The following SUFU variants were observed in gnomAD, a reference collection of about 807,000 sequenced individuals.
The protein encoded by SUFU is SUFU negative regulator of hedgehog signaling.
SUFU carries 7 observed loss-of-function variants against 58.9 expected under a neutral mutation model. The observed-to-expected ratio is 0.12, with a 90% CI of 0.07 to 0.22. SUFU has a LOEUF of 0.22. SUFU is among the 10% of genes least tolerant of loss of function. The pLI is 1.00. For synonymous variants in SUFU, 232 were observed against 254.8 expected, an observed-to-expected ratio of 0.91 and a Z score of 0.85; for missense variants, 451 against 641.3, an observed-to-expected ratio of 0.70 and a Z score of 3.20.
chr10:102,583,759 G>T (rs1353889006), intron 3 of SUFU, among the ~76,000 whole-genome samples: 1 of 151,866 alleles, frequency 6.6e-6, no homozygotes, highest in Non-Finnish European at 1.5e-5. Context: ...ACAACGTGCA[G>T]GTTTGTTGCA....
intron 3 of SUFU, among the ~76,000 whole-genome samples, chr10:102,556,133 G>A (rs1274190325): frequency 2.6e-5 from 4 of 152,276 alleles, no homozygotes; most frequent in Middle Eastern, 6.8e-3. Flanking sequence ...AGTGGGAGGC[G>A]AATGAAAGGG....
chr10:102,561,761 C>T (rs79677719), intron 3 of SUFU, among the ~76,000 whole-genome samples: 12 of 151,144 alleles, frequency 7.9e-5, no homozygotes, highest in East Asian at 1.9e-4. Context: ...TTTGACCTCC[C>T]GAGCTCAGTT....
chr10:102,508,550 A>G (rs1449395068), intron 1 of SUFU, among the ~76,000 whole-genome samples: 13 of 152,146 alleles, frequency 8.5e-5, no homozygotes. Context: ...AGTTAAGCCT[A>G]AGTTTGGCCT....
At chr10:102,568,941 T>TAC (rs1379151827) in intron 3 of SUFU, among the ~76,000 whole-genome samples, 3 of 68,432 alleles carry the variant, frequency 4.4e-5, no homozygotes, top group African/African-American at 1.5e-4. Flanking sequence ...TATATATATA[T>TAC]ATATATATAT....
chr10:102,588,135 G>A (rs934555358), intron 3 of SUFU, among the ~76,000 whole-genome samples: 8 of 152,208 alleles, frequency 5.3e-5, no homozygotes, highest in Non-Finnish European at 7.4e-5. Flanking sequence ...AGTGGCTCAC[G>A]CCTGTAATCC....
intron 3 of SUFU, among the ~76,000 whole-genome samples, chr10:102,551,917 G>A (rs2062922189): frequency 6.6e-6 from 1 of 151,284 alleles, no homozygotes; most frequent in African/African-American, 2.4e-5. Context: ...AGTAGAGACG[G>A]GGTTTCACCT....
At chr10:102,556,297 G>C (rs2062976453) in intron 3 of SUFU, among the ~76,000 whole-genome samples, 1 of 152,198 alleles carries the variant, frequency 6.6e-6, no homozygotes, top group South Asian at 2.1e-4. Flanking sequence ...CTACCCTCTG[G>C]GAGGTTTGCG....
chr10:102,613,722 G>T (rs1367977083), intron 8 of SUFU, among the ~76,000 whole-genome samples: 2 of 152,286 alleles, frequency 1.3e-5, no homozygotes, highest in Non-Finnish European at 2.9e-5. Context: ...AATGGGATCA[G>T]TGGGTAACTC....
intron 2 of SUFU, among the ~76,000 whole-genome samples, chr10:102,515,052 A>G (rs1252221671): frequency 6.6e-6 from 1 of 152,154 alleles, no homozygotes; most frequent in African/African-American, 2.4e-5. Flanking sequence ...CTTGGCGCAC[A>G]TGTCCAGTGG....
intron 8 of SUFU, among the ~76,000 whole-genome samples, chr10:102,609,083 T>C (rs2063593823): frequency 6.6e-6 from 1 of 152,168 alleles, no homozygotes; most frequent in Admixed American, 6.5e-5. Context: ...TGTAGAAATA[T>C]TATAGTTACT....
chr10:102,619,418 G>T lies in SUFU; in HGVS notation c.1296+1990G>T. 1 of 1,349,870 alleles carries T rather than the reference G, an allele frequency of 7.4e-7. No individual in the cohort carries two copies. The highest frequency in any genetic ancestry group is 1.7e-5 in the South Asian group (1 of 59,576). The allele number at this position is 1,349,870 out of a possible 1,614,324, so 83.6% of individuals were successfully genotyped here. ...CGGGGCGCGGTGGGAACGAGCTGCT[G>T]GCCTCGGCATGTTTCAATAAAGTTG... On this transcript the variant is annotated intron_variant, in intron 10 of 11. Transcript: ENST00000369902. The surrounding 1 kb of genome is among the most constrained non-coding windows in gnomAD (Gnocchi z 4.2).
At chr10:102,613,503 G>C (rs754727964) in intron 8 of SUFU, among the ~76,000 whole-genome samples, 26 of 152,230 alleles carry the variant, frequency 1.7e-4, no homozygotes, top group Non-Finnish European at 2.6e-4. Flanking sequence ...CTGCCTGTTG[G>C]GGTGCCACCC....
Position 102,619,339 on chromosome 10 carries a change from AC to A in SUFU, c.1296+1914del. Reference sequence around the variant, plus strand: ...CCCCTCAGCGAGCCTGAGGCCCAGCACCCGCTGGCTCCCCAGCACATGGTCC... The same window carrying A: ...CCCCTCAGCGAGCCTGAGGCCCAGCACCGCTGGCTCCCCAGCACATGGTCC... On this transcript the variant is annotated intron_variant, in intron 10 of 11. Coordinates refer to ENST00000369902, the MANE Select transcript of SUFU (RefSeq NM_016169.4). The surrounding 1 kb of genome is among the most constrained non-coding windows in gnomAD (Gnocchi z 4.2). The A allele has an allele frequency of 1.4e-6, 2 of 1,421,758 alleles. No homozygotes were observed. The highest frequency in any genetic ancestry group is 1.8e-6 in the Non-Finnish European group (2 of 1,091,064). 88.1% of individuals were successfully genotyped at this position (1,421,758 alleles called of 1,614,324 possible).
chr10:102,543,363 A>ATTTTTTCTATCAGGTTTTTGAG (rs1469338023), intron 2 of SUFU, among the ~76,000 whole-genome samples: 5 of 152,012 alleles, frequency 3.3e-5, no homozygotes, highest in African/African-American at 1.2e-4. Context: ...TCGTTTGTGA[A>ATTTTTTCTATCAGGTTTTTGAG]TTTTTTCTAT....
chr10:102,610,934 G>A (rs1345744666), intron 8 of SUFU, among the ~76,000 whole-genome samples: 1 of 152,128 alleles, frequency 6.6e-6, no homozygotes, highest in Non-Finnish European at 1.5e-5. Context: ...AGTGTGAGTT[G>A]GTAGTATGAG....
At chr10:102,523,208 A>G (rs773412191) in intron 2 of SUFU, among the ~76,000 whole-genome samples, 3 of 152,100 alleles carry the variant, frequency 2.0e-5, no homozygotes, top group Non-Finnish European at 4.4e-5. Context: ...TCCTACTCCT[A>G]TGTTACTCAG....
At chr10:102,562,061 C>T (rs2063043458) in intron 3 of SUFU, among the ~76,000 whole-genome samples, 1 of 152,202 alleles carries the variant, frequency 6.6e-6, no homozygotes, top group South Asian at 2.1e-4. Flanking sequence ...CTGAGGGACA[C>T]AGCCTGCCTC....
intron 6 of SUFU, 99 bp from the exon 7 acceptor site, chr10:102,597,041 G>A: frequency 7.1e-7 from 1 of 1,416,036 alleles, no homozygotes; most frequent in East Asian, 2.3e-5. Context: ...AGCACCACAA[G>A]GGCTCAGTAA....
intron 3 of SUFU, among the ~76,000 whole-genome samples, chr10:102,553,012 C>T (rs1245415259): frequency 6.6e-6 from 1 of 152,062 alleles, no homozygotes; most frequent in Admixed American, 6.6e-5. Flanking sequence ...ACCTGATGGC[C>T]CCACTTATGG....
Sources: allele counts gnomAD v4.1 joint callset (sites outside exome capture counted in the v4.1 genomes callset), GRCh38; gene constraint gnomAD v4.1.1; non-coding constraint Gnocchi (gnomAD v3.1); transcripts MANE v1.5; gene names NCBI Gene and HGNC (gene_info 2026-07-23, HGNC 2026-07-21).